Variants in ADGRB3 observed in about 807,000 individuals in gnomAD.
ADGRB3 encodes the protein adhesion G protein-coupled receptor B3.
ADGRB3 carries 37 observed loss-of-function variants against 193.4 expected under a neutral mutation model. The ratio of observed to expected loss-of-function variants is 0.19; its 90% CI spans 0.15 to 0.25. ADGRB3 has a LOEUF of 0.25. ADGRB3 is among the 10% of genes least tolerant of loss of function. The probability of loss-of-function intolerance (pLI) is 1.00; values close to 1 mark genes in which losing one functional copy is unlikely to be tolerated. For synonymous variants in ADGRB3, 690 were observed against 644.2 expected (o/e 1.07, Z -1.08); for missense variants, 1,637 against 1,852.9 (o/e 0.88, Z 2.14).
intron 4 of ADGRB3, among the ~76,000 whole-genome samples, chr6:68,933,768 G>C (rs1404259216): frequency 1.3e-5 from 2 of 151,680 alleles, no homozygotes; most frequent in African/African-American, 4.8e-5. Context: ...TCATTTTATC[G>C]AAGACATTCA....
At chr6:68,768,760 C>T (rs1004838611) in intron 3 of ADGRB3, among the ~76,000 whole-genome samples, 5 of 151,790 alleles carry the variant, frequency 3.3e-5, no homozygotes, top group Non-Finnish European at 5.9e-5. Flanking sequence ...AGGAAACCTA[C>T]AGAATGGGAG....
intron 17 of ADGRB3, among the ~76,000 whole-genome samples, chr6:69,117,261 T>C (rs972424201): frequency 6.6e-6 from 1 of 152,254 alleles, no homozygotes; most frequent in African/African-American, 2.4e-5. Flanking sequence ...GTCATTAATA[T>C]AGTTGCTTGT....
intron 8 of ADGRB3, among the ~76,000 whole-genome samples, chr6:68,970,655 A>T (rs1307492815): frequency 6.6e-6 from 1 of 151,792 alleles, no homozygotes; most frequent in Non-Finnish European, 1.5e-5. Flanking sequence ...AGGGCCTAGC[A>T]CCATGTTACA....
At chr6:68,868,803 G>T (rs906389805) in intron 3 of ADGRB3, among the ~76,000 whole-genome samples, 2 of 152,080 alleles carry the variant, frequency 1.3e-5, no homozygotes, top group African/African-American at 4.8e-5. Context: ...CCAGATGTGT[G>T]ATGACAAGCT....
intron 13 of ADGRB3, among the ~76,000 whole-genome samples, chr6:69,026,216 G>A (rs1770429584): frequency 2.0e-5 from 3 of 152,184 alleles, no homozygotes. Context: ...CGTTAAAAGA[G>A]GAATGAAGCA....
At chr6:68,889,891 A>G (rs1042516205) in intron 3 of ADGRB3, among the ~76,000 whole-genome samples, 2 of 152,196 alleles carry the variant, frequency 1.3e-5, no homozygotes, top group African/African-American at 4.8e-5. Flanking sequence ...TGTGAAGTAC[A>G]ACTTTCATAT....
At chr6:69,262,881 GA>G (rs1766959198) in intron 20 of ADGRB3, among the ~76,000 whole-genome samples, 1 of 151,902 alleles carries the variant, frequency 6.6e-6, no homozygotes, top group Non-Finnish European at 1.5e-5. Context: ...GGGATCTACT[GA>G]GGGTCTTAAA....
chr6:68,824,934 ACCT>A (rs988812581), intron 3 of ADGRB3, among the ~76,000 whole-genome samples: 1 of 151,926 alleles, frequency 6.6e-6, no homozygotes, highest in African/African-American at 2.4e-5. Context: ...CCTCACGGCA[ACCT>A]CCGCCTCCCG....
intron 3 of ADGRB3, among the ~76,000 whole-genome samples, chr6:68,827,461 A>T (rs1347151911): frequency 1.3e-5 from 2 of 152,082 alleles, no homozygotes; most frequent in Admixed American, 1.3e-4. Flanking sequence ...TCAGATGGTA[A>T]ACATAACAGC....
chr6:68,797,293 C>A (rs1767227675), intron 3 of ADGRB3, among the ~76,000 whole-genome samples: 1 of 151,974 alleles, frequency 6.6e-6, no homozygotes, highest in African/African-American at 2.4e-5. Context: ...GACAACAAAC[C>A]ACATGCAGAA....
chr6:69,337,510 T>C (rs1435427096), intron 24 of ADGRB3, among the ~76,000 whole-genome samples: 1 of 152,192 alleles, frequency 6.6e-6, no homozygotes, highest in Non-Finnish European at 1.5e-5. Flanking sequence ...CTAGGCTATG[T>C]ACTCCTTTGG....
chr6:69,206,366 G>A (rs976467534), intron 17 of ADGRB3, among the ~76,000 whole-genome samples: 1 of 151,920 alleles, frequency 6.6e-6, no homozygotes, highest in African/African-American at 2.4e-5. Flanking sequence ...TGACTCAAAT[G>A]TTAATCTCCT....
chr6:69,005,366 G>T (rs888333605), intron 11 of ADGRB3, among the ~76,000 whole-genome samples: 1 of 151,524 alleles, frequency 6.6e-6, no homozygotes, highest in Non-Finnish European at 1.5e-5. Flanking sequence ...GGTACTGAGA[G>T]CGTTGTATAA....
At chr6:69,020,430 T>A (rs2150288194) in intron 13 of ADGRB3, among the ~76,000 whole-genome samples, 1 of 152,204 alleles carries the variant, frequency 6.6e-6, no homozygotes, top group African/African-American at 2.4e-5. Context: ...TATTCATCTT[T>A]ACCTTTCTTT....
At chr6:68,706,748 G>A (rs1044809906) in intron 3 of ADGRB3, among the ~76,000 whole-genome samples, 8 of 152,224 alleles carry the variant, frequency 5.3e-5, no homozygotes, top group African/African-American at 1.9e-4. Flanking sequence ...ACAGGCATAT[G>A]TAATAATTTT....
At chr6:69,333,453 GA>G (rs913087786) in intron 24 of ADGRB3, among the ~76,000 whole-genome samples, 2 of 151,792 alleles carry the variant, frequency 1.3e-5, no homozygotes, top group African/African-American at 4.8e-5. Flanking sequence ...TATATATCAG[GA>G]AAAAAATCTT....
intron 28 of ADGRB3, among the ~76,000 whole-genome samples, chr6:69,359,017 C>T (rs895421949): frequency 6.6e-6 from 1 of 151,442 alleles, no homozygotes; most frequent in African/African-American, 2.4e-5. Flanking sequence ...TTGTGCAAAA[C>T]TTAATGTATC....
At chr6:68,823,863 T>G (rs1034335744) in intron 3 of ADGRB3, among the ~76,000 whole-genome samples, 1 of 152,316 alleles carries the variant, frequency 6.6e-6, no homozygotes, top group Non-Finnish European at 1.5e-5. Context: ...CTGGTTTGTA[T>G]AAAAATGTCA....
chr6:69,046,176 G>A (rs1049963517), intron 13 of ADGRB3, among the ~76,000 whole-genome samples: 2 of 152,074 alleles, frequency 1.3e-5, no homozygotes, highest in South Asian at 2.1e-4. Context: ...CCTCAGGGTC[G>A]AATAATGTAT....
Sources: gnomAD v4.1 joint callset for allele counts (sites outside exome capture counted in the v4.1 genomes callset) on GRCh38, gnomAD v4.1.1 for gene constraint, MANE v1.5 for transcripts, NCBI Gene and HGNC (gene_info 2026-07-23, HGNC 2026-07-21) for gene names.